The following MEGF10 variants were observed in gnomAD, a reference collection of about 807,000 sequenced individuals.
MEGF10 encodes the protein multiple epidermal growth factor-like domains protein 10.
MEGF10 carries 86 observed loss-of-function variants against 147.5 expected under a neutral mutation model. That is an observed-to-expected ratio of 0.58 (90% CI 0.49 to 0.70). The LOEUF is 0.70. Among genes scored for constraint, MEGF10 ranks in the 30% least tolerant of loss-of-function variants. The pLI is 0.00. For missense variants in MEGF10, 1,329 were observed against 1,487.3 expected (o/e 0.89, Z 1.75); for synonymous variants, 478 against 525.5 (o/e 0.91, Z 1.24).
At chr5:127,275,714 A>T in the MEGF10 span, among the ~76,000 whole-genome samples, 1 of 152,204 alleles carries the variant, frequency 6.6e-6, no homozygotes, top group Non-Finnish European at 1.5e-5. Flanking sequence ...GGAAAAGTTT[A>T]TAAGGTGGGC....
chr5:127,334,619 G>A (rs1397506255), intron 2 of MEGF10, among the ~76,000 whole-genome samples: 5 of 152,130 alleles, frequency 3.3e-5, no homozygotes, highest in Non-Finnish European at 7.4e-5. Context: ...TACTCAAGGG[G>A]TGTTTATGAT....
chr5:127,419,326 C>T, intron 11 of MEGF10, 86 bp downstream of exon 11: 2 of 1,492,050 alleles, frequency 1.3e-6, no homozygotes, highest in Non-Finnish European at 1.8e-6. Flanking sequence ...AACCAGGGTT[C>T]TAGCTCCAGT....
intron 5 of MEGF10, among the ~76,000 whole-genome samples, chr5:127,379,877 A>G (rs1196009125): frequency 6.6e-6 from 1 of 151,964 alleles, no homozygotes; most frequent in Non-Finnish European, 1.5e-5. Context: ...TGCTGAAATT[A>G]CGAGTGTGAG....
intron 2 of MEGF10, among the ~76,000 whole-genome samples, chr5:127,334,872 A>G (rs1761402034): frequency 3.3e-5 from 5 of 152,144 alleles, no homozygotes. Flanking sequence ...GAAGATTATT[A>G]CCATATCTGA....
At chr5:127,350,193 G>A (rs115048470) in intron 4 of MEGF10, among the ~76,000 whole-genome samples, 89 of 152,164 alleles carry the variant, frequency 5.8e-4, no homozygotes, top group African/African-American at 2.0e-3. Context: ...CAGTGACACT[G>A]GTGTAGCTCT....
chr5:127,355,530 CGACGTGGTTCA>C (rs1187602217), intron 4 of MEGF10, among the ~76,000 whole-genome samples: 1 of 151,998 alleles, frequency 6.6e-6, no homozygotes, highest in Non-Finnish European at 1.5e-5. Context: ...CTATGGTGTC[CGACGTGGTTCA>C]GAGGAACCTA....
At chr5:127,253,342 T>C in the MEGF10 span, among the ~76,000 whole-genome samples, 1 of 151,970 alleles carries the variant, frequency 6.6e-6, no homozygotes, top group Middle Eastern at 3.2e-3. Flanking sequence ...TTCTATCTGA[T>C]AGCAATAGAA....
At chr5:127,413,581 A>G (rs1460808182) in intron 9 of MEGF10, among the ~76,000 whole-genome samples, 4 of 152,250 alleles carry the variant, frequency 2.6e-5, no homozygotes, top group South Asian at 4.1e-4. Context: ...TTATAAAATG[A>G]CAACTATTCC....
At chr5:127,442,553 G>A (rs73348744) in intron 18 of MEGF10, among the ~76,000 whole-genome samples, 13,881 of 152,110 alleles carry the variant, frequency 0.091, 1,505 homozygotes, top group African/African-American at 0.26. Context: ...GAGAATGTGC[G>A]TTTATGAAGA....
the MEGF10 span, among the ~76,000 whole-genome samples, chr5:127,235,707 A>C: frequency 6.6e-6 from 1 of 152,334 alleles, no homozygotes; most frequent in East Asian, 1.9e-4. Flanking sequence ...ACCTGCACCA[A>C]ATCTGTCTCC....
At chr5:127,247,730 T>A in the MEGF10 span, among the ~76,000 whole-genome samples, 1 of 152,032 alleles carries the variant, frequency 6.6e-6, no homozygotes, top group African/African-American at 2.4e-5. Context: ...CTGGGAGCAC[T>A]TTCCTGAATG....
chr5:127,442,259 G>A (rs1489374939), intron 18 of MEGF10, among the ~76,000 whole-genome samples: 2 of 152,184 alleles, frequency 1.3e-5, no homozygotes, highest in African/African-American at 4.8e-5. Flanking sequence ...CCCTGTGTTT[G>A]ACAGAGAGTT....
intron 1 of MEGF10, among the ~76,000 whole-genome samples, chr5:127,295,808 A>C (rs905260099): frequency 2.0e-5 from 3 of 152,194 alleles, no homozygotes; most frequent in Admixed American, 1.3e-4. Flanking sequence ...TGTACCCAGT[A>C]TCTGGTTTTA....
At position 127,402,548 on chromosome 5, in the gene MEGF10, C is replaced by T. The variant is rs1186521135; in HGVS notation, c.783C>T (p.Gly261=). The change falls in exon 8 of 25, where the codon GGC becomes GGT. Residue 261 remains glycine, a splice_region_variant and synonymous_variant. Transcript: ENST00000503335. The part of the protein sequence containing the change: ...GECSCPSGWM[G]TVCGQPCPEG... ...TTTCCAAGTCTCTTTGAATGCAGGG[C>T]ACAGTGTGTGGTCAGCCTTGCCCCG... The T allele has an allele frequency of 1.2e-6, 2 of 1,613,024 alleles. No individual in the cohort carries two copies. Among genetic ancestry groups the T allele is most frequent in the Non-Finnish European group, 8.5e-7 (1 of 1,179,546 alleles).
intron 1 of MEGF10, among the ~76,000 whole-genome samples, chr5:127,327,735 A>T (rs1376280077): frequency 3.9e-5 from 5 of 127,418 alleles, no homozygotes; most frequent in Non-Finnish European, 8.0e-5. Flanking sequence ...TTTTTTTGAG[A>T]TAGAGTTTCA....
At chr5:127,395,886 G>A (rs1763892315) in intron 5 of MEGF10, among the ~76,000 whole-genome samples, 1 of 152,026 alleles carries the variant, frequency 6.6e-6, no homozygotes, top group Admixed American at 6.6e-5. Context: ...GAGGACTCAG[G>A]ACTCTGGCCC....
chr5:127,292,809 A>C (rs1759320596), intron 1 of MEGF10, among the ~76,000 whole-genome samples: 1 of 152,198 alleles, frequency 6.6e-6, no homozygotes, highest in African/African-American at 2.4e-5. Context: ...TCATTTGTTC[A>C]GTAAGTATTT....
intron 1 of MEGF10, chr5:127,300,125 TG>T (rs1251758477): frequency 9.2e-5 from 14 of 152,240 alleles, no homozygotes; most frequent in African/African-American, 2.9e-4. Context: ...TAAATGGTTT[TG>T]CCAATGATAT....
intron 13 of MEGF10, chr5:127,424,252 C>A: frequency 2.9e-6 from 2 of 691,290 alleles, no homozygotes; most frequent in Non-Finnish European, 5.2e-6. Flanking sequence ...CTTATGCCAG[C>A]ACCATACAGT....
Sources: allele counts gnomAD v4.1 joint callset (sites outside exome capture counted in the v4.1 genomes callset), GRCh38; gene constraint gnomAD v4.1.1; transcripts MANE v1.5; gene names NCBI Gene and HGNC (gene_info 2026-07-23, HGNC 2026-07-21).